DAB1: variants seen among roughly 807,000 people sequenced by gnomAD.
DAB1 encodes the protein disabled homolog 1.
In DAB1, 15 loss-of-function variants were observed where a neutral mutation model predicts 64.6. The ratio of observed to expected loss-of-function variants is 0.23; its 90% CI spans 0.16 to 0.36. DAB1 has a LOEUF of 0.36. DAB1 is among the 10% of genes least tolerant of loss of function. DAB1 has a pLI of 1.00. For synonymous variants in DAB1, 235 were observed against 251.9 expected, an observed-to-expected ratio of 0.93 and a Z score of 0.64; for missense variants, 596 against 706.7, an observed-to-expected ratio of 0.84 and a Z score of 1.78.
At chr1:58,228,288 G>T (rs1428934371) in intron 4 of DAB1, among the ~76,000 whole-genome samples, 1 of 152,206 alleles carries the variant, frequency 6.6e-6, no homozygotes, top group Non-Finnish European at 1.5e-5. Flanking sequence ...TTAGGCAGTA[G>T]ATGTTAGGTA....
intron 6 of DAB1, among the ~76,000 whole-genome samples, chr1:57,764,950 T>C (rs1041202083): frequency 6.6e-6 from 1 of 152,192 alleles, no homozygotes; most frequent in African/African-American, 2.4e-5. Context: ...TTAGAAGTTA[T>C]TTAGCCAAAC....
chr1:57,282,616 C>T (rs1248983218), intron 2 of DAB1, among the ~76,000 whole-genome samples: 2 of 152,088 alleles, frequency 1.3e-5, no homozygotes, highest in Admixed American at 1.3e-4. Context: ...AAATTCATGA[C>T]CGTGTGACCA....
chr1:58,513,445 T>C (rs887564365), intron 2 of DAB1, among the ~76,000 whole-genome samples: 1 of 152,174 alleles, frequency 6.6e-6, no homozygotes, highest in African/African-American at 2.4e-5. Context: ...AATAAAATTA[T>C]TGAACTGAAC....
chr1:58,266,471 C>A (rs1661165459), intron 4 of DAB1, among the ~76,000 whole-genome samples: 1 of 152,226 alleles, frequency 6.6e-6, no homozygotes, highest in Admixed American at 6.5e-5. Flanking sequence ...TACCCAGGAT[C>A]TGACACATTA....
chr1:57,590,752 A>T (rs1214543126), intron 7 of DAB1, among the ~76,000 whole-genome samples: 1 of 150,724 alleles, frequency 6.6e-6, no homozygotes, highest in Non-Finnish European at 1.5e-5. Context: ...ACACACACAC[A>T]CACACACACA....
intron 5 of DAB1, among the ~76,000 whole-genome samples, chr1:58,134,099 C>G (rs1653805874): frequency 6.6e-6 from 1 of 152,062 alleles, no homozygotes; most frequent in Non-Finnish European, 1.5e-5. Context: ...TTTTCTTAGT[C>G]CATTTGTACT....
intron 6 of DAB1, among the ~76,000 whole-genome samples, chr1:57,670,503 A>G (rs1319096866): frequency 2.6e-5 from 4 of 152,148 alleles, no homozygotes; most frequent in Non-Finnish European, 5.9e-5. Context: ...CTATAATTCA[A>G]CTAATAAAAA....
At chr1:57,057,298 A>G (rs956692304) in intron 9 of DAB1, among the ~76,000 whole-genome samples, 18 of 152,208 alleles carry the variant, frequency 1.2e-4, no homozygotes, top group South Asian at 4.1e-4. Flanking sequence ...ATACAGACTG[A>G]GGATAGTGCA....
chr1:57,729,328 C>T (rs1647312444), intron 6 of DAB1, among the ~76,000 whole-genome samples: 1 of 152,246 alleles, frequency 6.6e-6, no homozygotes, highest in African/African-American at 2.4e-5. Flanking sequence ...CAGTCCCCCA[C>T]ATCCCTGAGC....
At chr1:57,916,528 A>C (rs1433208903) in intron 5 of DAB1, among the ~76,000 whole-genome samples, 1 of 152,264 alleles carries the variant, frequency 6.6e-6, no homozygotes. Flanking sequence ...TGCTCACTAC[A>C]TACTAGGCAC....
intron 2 of DAB1, among the ~76,000 whole-genome samples, chr1:57,270,309 C>T (rs115712742): frequency 0.031 from 4,675 of 152,298 alleles, 71 homozygotes; most frequent in Non-Finnish European, 0.038. Context: ...GTGGAACAGA[C>T]AGTAGTATTT....
intron 2 of DAB1, among the ~76,000 whole-genome samples, chr1:57,228,019 AGTT>A (rs1462358694): frequency 6.6e-6 from 1 of 152,202 alleles, no homozygotes; most frequent in Non-Finnish European, 1.5e-5. Context: ...ATGCAGCCAT[AGTT>A]GTTGTTCCTG....
intron 2 of DAB1, among the ~76,000 whole-genome samples, chr1:57,253,404 C>G (rs1188229304): frequency 6.6e-6 from 1 of 152,148 alleles, no homozygotes; most frequent in African/African-American, 2.4e-5. Flanking sequence ...GCTCCTGTGT[C>G]TGATTTGCAG....
chr1:58,047,125 T>C (rs1346054039), intron 5 of DAB1, among the ~76,000 whole-genome samples: 1 of 152,178 alleles, frequency 6.6e-6, no homozygotes, highest in Non-Finnish European at 1.5e-5. Context: ...AAATTCTGTT[T>C]TATTATGCCA....
chr1:58,132,695 G>A (rs1219038154), intron 5 of DAB1, among the ~76,000 whole-genome samples: 1 of 152,090 alleles, frequency 6.6e-6, no homozygotes, highest in Non-Finnish European at 1.5e-5. Context: ...AGGATTCTGT[G>A]CTCCTCTGAG....
chr1:58,031,419 G>C (rs896172833), intron 5 of DAB1, among the ~76,000 whole-genome samples: 2 of 152,120 alleles, frequency 1.3e-5, no homozygotes, highest in Non-Finnish European at 2.9e-5. Context: ...GGCAGTAATA[G>C]GTAAAACGGA....
chr1:57,154,214 C>A (rs1659993396), intron 2 of DAB1, among the ~76,000 whole-genome samples: 1 of 152,152 alleles, frequency 6.6e-6, no homozygotes, highest in Non-Finnish European at 1.5e-5. Flanking sequence ...CCTCTAGTAA[C>A]CATCCTTTTA....
chr1:58,536,859 C>T (rs778954163), intron 1 of DAB1: 21 of 641,206 alleles, frequency 3.3e-5, no homozygotes, highest in Non-Finnish European at 5.6e-5. Flanking sequence ...TGATGTATTT[C>T]GCTGAATACA....
chr1:58,535,307 A>G (rs963587705), intron 1 of DAB1, among the ~76,000 whole-genome samples: 6 of 152,140 alleles, frequency 3.9e-5, no homozygotes, highest in African/African-American at 1.4e-4. Context: ...TTTTTCACTT[A>G]AGAATCAACA....
Sources: allele counts gnomAD v4.1 joint callset (sites outside exome capture counted in the v4.1 genomes callset), GRCh38; gene constraint gnomAD v4.1.1; transcripts MANE v1.5; gene names NCBI Gene and HGNC (gene_info 2026-07-23, HGNC 2026-07-21).